Variants in FNIP1 observed in about 807,000 individuals in gnomAD.
FNIP1 encodes folliculin interacting protein 1.
FNIP1 carries 40 observed loss-of-function variants against 124.5 expected under a neutral mutation model. The ratio of observed to expected loss-of-function variants is 0.32; its 90% CI spans 0.25 to 0.42. The LOEUF (loss-of-function observed/expected upper bound fraction) is 0.42, where lower values mean the gene tolerates loss of function less well. Ranked by LOEUF, FNIP1 falls within the 10% of genes least tolerant of loss-of-function variation. The pLI, the probability that FNIP1 is intolerant of heterozygous loss-of-function variation, is 1.00. For missense variants in FNIP1, 1,176 were observed against 1,403.7 expected (o/e 0.84, Z 2.59); for synonymous variants, 472 against 470.6 (o/e 1.00, Z -0.04).
Position 131,704,230 on chromosome 5 carries a change from G to A in FNIP1, c.951C>T (p.Ser317=). The part of the protein sequence containing the change: ...IEESFNLSDE[S]CGPNPGIVRK... ...GCACAATTCCTGGGTTAGGGCCACA[G>A]CTTTCATCTGAGAGATTAAAGCTTT... The change falls in exon 10 of 18, where the codon AGC becomes AGT. Residue 317 remains serine (S), a synonymous_variant. Transcript: ENST00000510461. 5.0e-6 allele frequency: 8 copies of A among 1,613,228 alleles called. No homozygotes were observed. The highest frequency in any genetic ancestry group is 6.8e-6 in the Non-Finnish European group (8 of 1,179,494).
chr5:131,652,107 A>G lies in FNIP1; in HGVS notation c.3109-108T>C, dbSNP rs1767056685. On this transcript the variant is annotated intron_variant, in intron 15 of 17. Transcript: ENST00000510461. Reference sequence around the variant, plus strand: ...AAACAAAAACAGAAAAAAAAATTAAACTTCAATATTTCAATATCTCCTTGA... The same window carrying G: ...AAACAAAAACAGAAAAAAAAATTAAGCTTCAATATTTCAATATCTCCTTGA... 3.1e-6 allele frequency: 3 copies of G among 967,584 alleles called. No homozygotes were observed. In the South Asian group the frequency reaches 5.1e-5, roughly 16 times the overall value. The allele number at this position is 967,584 out of a possible 1,614,324, so 59.9% of individuals were successfully genotyped here.
intron 13 of FNIP1, among the ~76,000 whole-genome samples, chr5:131,675,037 T>C (rs942077976): frequency 2.0e-5 from 3 of 152,226 alleles, no homozygotes; most frequent in Non-Finnish European, 4.4e-5. Flanking sequence ...ATTCCCACTT[T>C]ACTTTTCCAG....
chr5:131,647,281 A>T, intron 16 of FNIP1, 76 bp from the exon 17 acceptor site: 1 of 1,021,218 alleles, frequency 9.8e-7, no homozygotes, highest in Non-Finnish European at 1.5e-6. Context: ...TCCAAAACAT[A>T]ATGTTTTTGA....
At chr5:131,719,101 A>G in intron 4 of FNIP1, 41 bp from the exon 5 acceptor site, 2 of 1,556,238 alleles carry the variant, frequency 1.3e-6, no homozygotes, top group Non-Finnish European at 8.9e-7. Flanking sequence ...AAACTAAAAT[A>G]TAATGACCTT....
intron 1 of FNIP1, among the ~76,000 whole-genome samples, chr5:131,746,086 A>G (rs1223122086): frequency 1.3e-5 from 2 of 152,212 alleles, no homozygotes; most frequent in African/African-American, 4.8e-5. Flanking sequence ...TTACATATCC[A>G]TTACATTCCA....
Position 131,747,652 on chromosome 5 carries a change from A to T in FNIP1, c.93-2962T>A, listed in dbSNP as rs558468950. Among the ~76,000 whole-genome samples the T allele has an allele frequency of 2.6e-5, 4 of 152,306 alleles. No individual in the cohort carries two copies. The East Asian group carries it at 7.7e-4, about 29-fold the overall frequency. On this transcript the variant is annotated intron_variant, in intron 1 of 17. Transcript: ENST00000510461. ...AGTATCCACTAGAGAAGCAAAAGTC[A>T]TTGGTGACCATAGCAAGGACAGTTC...
At chr5:131,693,665 G>C in intron 11 of FNIP1, among the ~76,000 whole-genome samples, 1 of 151,864 alleles carries the variant, frequency 6.6e-6, no homozygotes, top group East Asian at 1.9e-4. Flanking sequence ...ATGACCTTTG[G>C]TTAGGTGATG....
At chr5:131,671,285 T>C (rs898925504) in intron 14 of FNIP1, among the ~76,000 whole-genome samples, 1 of 152,208 alleles carries the variant, frequency 6.6e-6, no homozygotes, top group Non-Finnish European at 1.5e-5. Flanking sequence ...CTTATACTTA[T>C]CAACCAGATC....
At chr5:131,779,829 T>C (rs1331143399) in intron 1 of FNIP1, among the ~76,000 whole-genome samples, 1 of 151,304 alleles carries the variant, frequency 6.6e-6, no homozygotes, top group Non-Finnish European at 1.5e-5. Context: ...AAACCAGAAA[T>C]GTTGATAAAT....
rs186211860 is a variant in FNIP1 at position 131,644,931 on chromosome 5, T to C, written c.3423-168A>G. ...AGTAAATAAAACACAGAACTACAGA[T>C]ACGAGTAACAACATCATAAACGTAG... On this transcript the variant is annotated intron_variant, in intron 17 of 17. Transcript: ENST00000510461. Among the ~76,000 whole-genome samples the C allele has an allele frequency of 2.1e-3, 319 of 152,302 alleles. 1 individual carries two copies. Among genetic ancestry groups the C allele is most frequent in the African/African-American group, 7.3e-3 (303 of 41,572 alleles).
At chr5:131,735,854 T>C (rs1485476137) in intron 2 of FNIP1, among the ~76,000 whole-genome samples, 1 of 151,592 alleles carries the variant, frequency 6.6e-6, no homozygotes, top group African/African-American at 2.4e-5. Context: ...ACATGTATAA[T>C]ACATATTATA....
intron 15 of FNIP1, among the ~76,000 whole-genome samples, chr5:131,661,872 A>C (rs1300981963): frequency 6.6e-6 from 1 of 152,184 alleles, no homozygotes; most frequent in Non-Finnish European, 1.5e-5. Flanking sequence ...AATAAGAAAA[A>C]GGATCTGTGA....
At chr5:131,771,687 C>T (rs1334913976) in intron 1 of FNIP1, among the ~76,000 whole-genome samples, 36 of 152,134 alleles carry the variant, frequency 2.4e-4, no homozygotes, top group Non-Finnish European at 2.9e-5. Flanking sequence ...TCCTCTCCCT[C>T]TCCACGTCTA....
intron 6 of FNIP1, among the ~76,000 whole-genome samples, chr5:131,712,429 G>A (rs32112): frequency 0.64 from 97,380 of 151,986 alleles, 33,080 homozygotes; most frequent in Non-Finnish European, 0.77. Context: ...GAGACTTTCA[G>A]GGGGTCTGCG....
intron 1 of FNIP1, among the ~76,000 whole-genome samples, chr5:131,757,909 T>C (rs1771100717): frequency 6.6e-6 from 1 of 152,018 alleles, no homozygotes; most frequent in Admixed American, 6.6e-5. Flanking sequence ...ATCCCTAGAG[T>C]CATAAACAAA....
rs137972643 is a variant in FNIP1, at chr5:131,676,678, G to T, written c.1519+1025C>A. Among the ~76,000 whole-genome samples, 721 of 152,198 alleles carry T rather than the reference G, an allele frequency of 4.7e-3. 2 individuals are homozygous for T. Among genetic ancestry groups the T allele is most frequent in the South Asian group, 9.1e-3 (44 of 4,824 alleles). ...GGTGACTAAGGTAGGGAGATCATTT[G>T]ATCCCAGGGAAATTGGAGCTGCAGT... On this transcript the variant is annotated intron_variant, in intron 13 of 17. Transcript: ENST00000510461.
In FNIP1 at chr5:131,706,406, C is replaced by A. The variant is rs1769113707; in HGVS notation, c.914+5G>T. The A allele has an allele frequency of 1.2e-6, 2 of 1,606,328 alleles. No homozygotes were observed. Among genetic ancestry groups the A allele is most frequent in the South Asian group, 2.2e-5 (2 of 89,958 alleles). On this transcript the variant is annotated splice_donor_5th_base_variant and intron_variant, in intron 9 of 17. Transcript: ENST00000510461. ...TCTTGTTCTGTGTTTAAAGTTCCAA[C>A]TTACCATCTAGGAAATACCCCATTT...
At chr5:131,658,907 CAAAAAAAAAAAAAAAAA>C (rs70974003) in intron 15 of FNIP1, among the ~76,000 whole-genome samples, 1 of 41,182 alleles carries the variant, frequency 2.4e-5, no homozygotes, top group Admixed American at 3.9e-4. Flanking sequence ...TGGGTCTAGC[CAAAAAAAAAAAAAAAAA>C]AAAAAAAAAA....
At chr5:131,644,858 C>T in intron 17 of FNIP1, 95 bp from the exon 18 acceptor site, 1 of 1,238,286 alleles carries the variant, frequency 8.1e-7, no homozygotes, top group Non-Finnish European at 1.2e-6. Flanking sequence ...GTCACTATAC[C>T]TCAACGGTTA....
Sources: gnomAD v4.1 joint callset for allele counts (sites outside exome capture counted in the v4.1 genomes callset) on GRCh38, gnomAD v4.1.1 for gene constraint, MANE v1.5 for transcripts, NCBI Gene and HGNC (gene_info 2026-07-23, HGNC 2026-07-21) for gene names.